The following PRR16 variants were observed in gnomAD, a reference collection of about 807,000 sequenced individuals.
PRR16 encodes protein Largen.
In PRR16, 6 loss-of-function variants were observed where a neutral mutation model predicts 18.2. The ratio of observed to expected loss-of-function variants is 0.33; its 90% CI spans 0.18 to 0.65. The LOEUF is 0.65. Ranked by LOEUF, PRR16 falls within the 30% of genes least tolerant of loss-of-function variation. The pLI is 0.74. For synonymous variants in PRR16, 151 were observed against 147.8 expected (o/e 1.02, Z -0.16); for missense variants, 412 against 376.6 (o/e 1.09, Z -0.78).
intron 1 of PRR16, among the ~76,000 whole-genome samples, chr5:120,673,905 A>C (rs1756702775): frequency 6.6e-6 from 1 of 151,828 alleles, no homozygotes; most frequent in African/African-American, 2.4e-5. Flanking sequence ...CAGTGAGCCG[A>C]GATTGCACCA....
the PRR16 span, among the ~76,000 whole-genome samples, chr5:120,736,324 G>A: frequency 6.6e-6 from 1 of 152,110 alleles, no homozygotes; most frequent in East Asian, 1.9e-4. Context: ...GAGTGCAGTG[G>A]TGCAATCTCG....
chr5:120,739,099 T>A, the PRR16 span, among the ~76,000 whole-genome samples: 1 of 151,996 alleles, frequency 6.6e-6, no homozygotes, highest in African/African-American at 2.4e-5. Flanking sequence ...CAGTAGCAAG[T>A]GGAATAATGA....
chr5:120,527,423 C>T (rs1285020613), intron 1 of PRR16, among the ~76,000 whole-genome samples: 1 of 152,094 alleles, frequency 6.6e-6, no homozygotes, highest in Non-Finnish European at 1.5e-5. Flanking sequence ...GGTGGCAGGC[C>T]TGATTTGGCA....
At chr5:120,724,500 C>T in the PRR16 span, among the ~76,000 whole-genome samples, 4 of 151,998 alleles carry the variant, frequency 2.6e-5, no homozygotes, top group Non-Finnish European at 4.4e-5. Context: ...ATTGTGAATT[C>T]GCAATAAATA....
the PRR16 span, among the ~76,000 whole-genome samples, chr5:120,756,459 G>T: frequency 6.6e-6 from 1 of 151,850 alleles, no homozygotes; most frequent in Non-Finnish European, 1.5e-5. Context: ...CACCAGCATC[G>T]GCCATTTGTT....
At chr5:120,634,165 G>A (rs1404530663) in intron 1 of PRR16, among the ~76,000 whole-genome samples, 1 of 152,120 alleles carries the variant, frequency 6.6e-6, no homozygotes, top group East Asian at 1.9e-4. Flanking sequence ...TAAATAATCT[G>A]CTCCTGAGTG....
chr5:120,548,136 G>A (rs1036298066), intron 1 of PRR16, among the ~76,000 whole-genome samples: 1 of 151,884 alleles, frequency 6.6e-6, no homozygotes, highest in African/African-American at 2.4e-5. Flanking sequence ...AAAATGTATG[G>A]CCCTATTTTC....
the PRR16 span, among the ~76,000 whole-genome samples, chr5:120,777,377 A>G: frequency 6.6e-6 from 1 of 151,958 alleles, no homozygotes; most frequent in African/African-American, 2.4e-5. Context: ...GTTGTGTTTT[A>G]TTTTGTATAT....
chr5:120,641,537 T>G (rs1755422520), intron 1 of PRR16, among the ~76,000 whole-genome samples: 1 of 152,082 alleles, frequency 6.6e-6, no homozygotes, highest in Admixed American at 6.6e-5. Flanking sequence ...ATCATCACAC[T>G]GCCCTGCATG....
chr5:120,736,465 A>C, the PRR16 span, among the ~76,000 whole-genome samples: 20 of 144,076 alleles, frequency 1.4e-4, no homozygotes, highest in Admixed American at 1.4e-4. Context: ...GAGTTTCACC[A>C]TGTTGGCCAG....
intron 1 of PRR16, among the ~76,000 whole-genome samples, chr5:120,655,374 CTTT>C (rs5870910): frequency 3.1e-5 from 3 of 95,670 alleles, no homozygotes; most frequent in Non-Finnish European, 6.7e-5. Context: ...AATAATTGAC[CTTT>C]TTTTTTTTTT....
intron 1 of PRR16, among the ~76,000 whole-genome samples, chr5:120,542,907 A>T (rs1274771718): frequency 6.6e-6 from 1 of 152,178 alleles, no homozygotes; most frequent in East Asian, 1.9e-4. Context: ...TACAGTCATT[A>T]ACGAGTGATT....
At chr5:120,624,746 T>C (rs926072149) in intron 1 of PRR16, among the ~76,000 whole-genome samples, 1 of 152,204 alleles carries the variant, frequency 6.6e-6, no homozygotes, top group Non-Finnish European at 1.5e-5. Context: ...GAAAGGCTAC[T>C]GATATGGTAT....
chr5:120,788,894 GTC>G, the PRR16 span, among the ~76,000 whole-genome samples: 3 of 151,812 alleles, frequency 2.0e-5, no homozygotes, highest in Non-Finnish European at 4.4e-5. Context: ...CTAAAACATT[GTC>G]TTGGTAGTTG....
the PRR16 span, among the ~76,000 whole-genome samples, chr5:120,788,757 T>C: frequency 6.6e-6 from 1 of 152,150 alleles, no homozygotes; most frequent in African/African-American, 2.4e-5. Context: ...ACACCTTTAG[T>C]AATGACTCAG....
the PRR16 span, among the ~76,000 whole-genome samples, chr5:120,766,201 A>G: frequency 6.6e-6 from 1 of 151,958 alleles, no homozygotes; most frequent in Non-Finnish European, 1.5e-5. Context: ...TATTAATGCA[A>G]ATTTACACCT....
chr5:120,612,326 T>G (rs551656228), intron 1 of PRR16, among the ~76,000 whole-genome samples: 4 of 152,048 alleles, frequency 2.6e-5, no homozygotes, highest in Non-Finnish European at 5.9e-5. Context: ...GAAGGCATGA[T>G]TGGTTTTGAA....
the PRR16 span, among the ~76,000 whole-genome samples, chr5:120,754,367 T>C: frequency 1.5e-5 from 1 of 64,598 alleles, no homozygotes; most frequent in Non-Finnish European, 2.6e-5. Context: ...TATATAAATA[T>C]ATAATATATA....
At chr5:120,555,679 G>C (rs1046430507) in intron 1 of PRR16, among the ~76,000 whole-genome samples, 2 of 151,734 alleles carry the variant, frequency 1.3e-5, no homozygotes, top group African/African-American at 2.4e-5. Flanking sequence ...TGGGGTTAGG[G>C]CTTCAACATA....
Sources: allele counts gnomAD v4.1 joint callset (sites outside exome capture counted in the v4.1 genomes callset), GRCh38; gene constraint gnomAD v4.1.1; transcripts MANE v1.5; gene names NCBI Gene and HGNC (gene_info 2026-07-23, HGNC 2026-07-21).